The following SBSPON variants were observed in gnomAD, a reference collection of about 807,000 sequenced individuals.
SBSPON encodes somatomedin B and thrombospondin type 1 domain containing, also known as somatomedin-B and thrombospondin type-1 domain-containing protein.
SBSPON carries 30 observed loss-of-function variants against 35.8 expected under a neutral mutation model. That is an observed-to-expected ratio of 0.84 (90% CI 0.63 to 1.14). The LOEUF (loss-of-function observed/expected upper bound fraction) is 1.14. Ranked by LOEUF, SBSPON falls within the 50% of genes most tolerant of loss-of-function variation. The pLI, the probability that SBSPON is intolerant of heterozygous loss-of-function variation, is 0.00. For missense variants in SBSPON, 364 were observed against 357.7 expected, an observed-to-expected ratio of 1.02 and a Z score of -0.14; for synonymous variants, 136 against 135.9, an observed-to-expected ratio of 1.00 and a Z score of 0.00.
chr8:73,081,251 T>A, intron 1 of SBSPON, 38 bp from the exon 2 acceptor site: 2 of 1,492,840 alleles, frequency 1.3e-6, no homozygotes, highest in Non-Finnish European at 9.0e-7. Flanking sequence ...CCTGAGTAAA[T>A]CCCGCCAGGC....
intron 1 of SBSPON, among the ~76,000 whole-genome samples, chr8:73,084,795 CACACTT>C (rs1810791700): frequency 1.4e-5 from 2 of 147,958 alleles, no homozygotes; most frequent in South Asian, 2.1e-4. Context: ...CACACACACA[CACACTT>C]ATTTCCTCTC....
intron 2 of SBSPON, among the ~76,000 whole-genome samples, chr8:73,076,777 G>T (rs1212071958): frequency 6.6e-6 from 1 of 152,070 alleles, no homozygotes; most frequent in Non-Finnish European, 1.5e-5. Context: ...GGTGGAAAAG[G>T]CAAGGAAGAA....
At chr8:73,078,763 C>A (rs564312997) in intron 2 of SBSPON, among the ~76,000 whole-genome samples, 2 of 152,178 alleles carry the variant, frequency 1.3e-5, no homozygotes, top group Non-Finnish European at 2.9e-5. Flanking sequence ...TGAGCAACCA[C>A]GTCTGAAGCA....
chr8:73,084,008 C>G (rs774340383), intron 1 of SBSPON, among the ~76,000 whole-genome samples: 3 of 152,182 alleles, frequency 2.0e-5, no homozygotes, highest in Non-Finnish European at 4.4e-5. Context: ...GTGAGGTGAT[C>G]TCAAGCACCA....
chr8:73,075,257 A>G (rs1053495020), intron 2 of SBSPON, among the ~76,000 whole-genome samples: 23 of 152,206 alleles, frequency 1.5e-4, no homozygotes, highest in Admixed American at 1.2e-3. Context: ...CCAGGTACCC[A>G]GGGCTGTCCC....
rs1810371223 is a variant in SBSPON at position 73,065,484 on chromosome 8, T to A, written c.*1857A>T. 6.6e-6 allele frequency: 1 copy of A among 152,100 alleles called. No individual in the cohort carries two copies. Among genetic ancestry groups the A allele is most frequent in the African/African-American group, 2.4e-5 (1 of 41,432 alleles). 9.4% of individuals were successfully genotyped at this position (152,100 alleles called of 1,614,324 possible). A position where few individuals can be genotyped will look rare whatever the true frequency, so the allele number is the denominator to read the frequency against. On this transcript the variant is annotated 3_prime_UTR_variant, in exon 5 of 5. Coordinates refer to ENST00000297354, the MANE Select transcript of SBSPON (RefSeq NM_153225.4). ...AAGTTTATTTACTAGTATAAAAATT[T>A]TAAGTAACAGGCCAGGCGCAGTGGC...
chr8:73,072,767 C>G (rs1281713337), intron 2 of SBSPON, among the ~76,000 whole-genome samples: 3 of 152,194 alleles, frequency 2.0e-5, no homozygotes, highest in African/African-American at 7.2e-5. Context: ...GCTCTGCCCA[C>G]CACATAGTAT....
In SBSPON at chr8:73,086,942, G is replaced by A. The variant is rs867806976; in HGVS notation, c.215-5729C>T. On this transcript the variant is annotated intron_variant, in intron 1 of 4. Coordinates refer to ENST00000297354, the MANE Select transcript of SBSPON (RefSeq NM_153225.4). ...TGGCTCTACCCTGGATGGCGGTGCC[G>A]TCTGAAGCCATGGATAACATCACCT... 8.9e-4 allele frequency among the ~76,000 whole-genome samples: 135 copies of A among 152,260 alleles called. 1 individual carries two copies. The highest frequency in any genetic ancestry group is 3.1e-3 in the African/African-American group (128 of 41,550).
At chr8:73,088,656 C>T (rs1360536686) in intron 1 of SBSPON, among the ~76,000 whole-genome samples, 1 of 151,426 alleles carries the variant, frequency 6.6e-6, no homozygotes, top group African/African-American at 2.4e-5. Flanking sequence ...GCACTCCAGC[C>T]TAGGCAACAG....
At chr8:73,071,748 A>C (rs759791159) in intron 3 of SBSPON, 32 bp downstream of exon 3, 3 of 1,257,748 alleles carry the variant, frequency 2.4e-6, no homozygotes, top group Non-Finnish European at 2.2e-6. Context: ...ATTGAAAAAC[A>C]TGATTAAAAA....
chr8:73,079,094 C>A (rs1305581251), intron 2 of SBSPON, among the ~76,000 whole-genome samples: 1 of 152,160 alleles, frequency 6.6e-6, no homozygotes, highest in Admixed American at 6.5e-5. Context: ...TTTATACATG[C>A]AACTGTTTTT....
At chr8:73,074,772 T>A (rs1810559826) in intron 2 of SBSPON, among the ~76,000 whole-genome samples, 2 of 152,212 alleles carry the variant, frequency 1.3e-5, no homozygotes, top group African/African-American at 4.8e-5. Flanking sequence ...ATGAGAGAGG[T>A]AAGGAGGCCA....
In SBSPON at chr8:73,065,047, A is replaced by C. The variant is rs1810361739; in HGVS notation, c.*2294T>G. 6.6e-6 allele frequency: 1 copy of C among 152,184 alleles called. No homozygotes were observed. Among genetic ancestry groups the C allele is most frequent in the Non-Finnish European group, 1.5e-5 (1 of 68,026 alleles). 9.4% of individuals were successfully genotyped at this position (152,184 alleles called of 1,614,324 possible). ...GTTTTTCATTCATCACTTGGACTAC[A>C]TGTTTCAGTTCTGAACTATTTCCCT... On this transcript the variant is annotated 3_prime_UTR_variant, in exon 5 of 5. Transcript: ENST00000297354.
chr8:73,069,740 A>G lies in SBSPON; in HGVS notation c.677+65T>C, dbSNP rs1253669960. ...TTACATACTGGTCAGCTGTCTGGAC[A>G]TGGAGAGGACAGATTTCTCAGAATG... is the stretch of plus-strand genomic sequence containing the variant. On this transcript the variant is annotated intron_variant, in intron 4 of 4. Coordinates refer to ENST00000297354, the MANE Select transcript of SBSPON (RefSeq NM_153225.4). 8.9e-6 allele frequency: 12 copies of G among 1,342,660 alleles called. No homozygotes were observed. The South Asian group carries it at 1.3e-4, about 15-fold the overall frequency. 83.2% of individuals were successfully genotyped at this position (1,342,660 alleles called of 1,614,324 possible). A position where few individuals can be genotyped will look rare whatever the true frequency, so the allele number is the denominator to read the frequency against.
At chr8:73,087,095 G>A (rs1157391317) in intron 1 of SBSPON, among the ~76,000 whole-genome samples, 1 of 152,128 alleles carries the variant, frequency 6.6e-6, no homozygotes, top group East Asian at 1.9e-4. Flanking sequence ...TGAGTAGATG[G>A]AGGGAGAAGC....
chr8:73,074,880 T>C (rs189486560), intron 2 of SBSPON, among the ~76,000 whole-genome samples: 2 of 152,330 alleles, frequency 1.3e-5, no homozygotes, highest in Admixed American at 1.3e-4. Context: ...ACATCATGTG[T>C]TACCTTCAAC....
At chr8:73,085,269 C>T (rs1184182676) in intron 1 of SBSPON, among the ~76,000 whole-genome samples, 3 of 152,152 alleles carry the variant, frequency 2.0e-5, no homozygotes, top group African/African-American at 7.2e-5. Context: ...CTTCTCCTGG[C>T]AGCTACAAGT....
Position 73,071,826 on chromosome 8 carries a change from G to A in SBSPON, c.454C>T (p.Arg152Ter), listed in dbSNP as rs750912392. 43 of 1,610,718 alleles carry A rather than the reference G, an allele frequency of 2.7e-5. No individual in the cohort carries two copies. The South Asian group carries it at 2.7e-4, about 10-fold the overall frequency. The change falls in exon 3 of 5, where the codon CGA becomes TGA. Residue 152 changes from arginine to a stop codon, truncating the protein, a stop_gained. Coordinates refer to ENST00000297354, the MANE Select transcript of SBSPON (RefSeq NM_153225.4). LOFTEE classifies it high-confidence loss of function. The part of the protein sequence containing the change: ...TTSAFNKERT[R>*]QATSPHWSTH... ...GACCAGTGTGGAGACGTAGCTTGTC[G>A]TGTTCTCTCCTTGTTGAATGCAGAG...
intron 1 of SBSPON, among the ~76,000 whole-genome samples, 163 bp downstream of exon 1, chr8:73,092,691 A>C (rs1457300849): frequency 6.6e-6 from 1 of 152,122 alleles, no homozygotes. Flanking sequence ...CCCTAGGATG[A>C]ACGGAGCCGG....
Sources: allele counts gnomAD v4.1 joint callset (sites outside exome capture counted in the v4.1 genomes callset), GRCh38; gene constraint gnomAD v4.1.1; transcripts MANE v1.5; gene names NCBI Gene and HGNC (gene_info 2026-07-23, HGNC 2026-07-21).